MEF2C: variants seen among roughly 807,000 people sequenced by gnomAD.
MEF2C encodes myocyte enhancer factor 2C, also known as myocyte-specific enhancer factor 2C.
In MEF2C, 6 loss-of-function variants were observed where a neutral mutation model predicts 50.5. That is an observed-to-expected ratio of 0.12 (90% CI 0.07 to 0.23). MEF2C has a LOEUF of 0.23. Ranked by LOEUF, MEF2C falls within the 10% of genes least tolerant of loss-of-function variation. The pLI, the probability that MEF2C is intolerant of heterozygous loss-of-function variation, is 1.00. For synonymous variants in MEF2C, 183 were observed against 228.0 expected, an observed-to-expected ratio of 0.80 and a Z score of 1.78; for missense variants, 276 against 605.0, an observed-to-expected ratio of 0.46 and a Z score of 5.70.
chr5:88,816,139 A>G (rs1805231993), intron 2 of MEF2C, among the ~76,000 whole-genome samples: 2 of 152,094 alleles, frequency 1.3e-5, no homozygotes, highest in South Asian at 4.1e-4. Context: ...AGAGTGACAG[A>G]ATTCTAGAAG....
intron 6 of MEF2C, chr5:88,748,794 G>A: frequency 2.0e-6 from 2 of 985,384 alleles, no homozygotes; most frequent in Non-Finnish European, 2.4e-6. Flanking sequence ...TCCAAGGATG[G>A]TATCCAGGAT....
intron 1 of MEF2C, among the ~76,000 whole-genome samples, chr5:88,871,111 A>C (rs1001766261): frequency 6.6e-6 from 1 of 152,096 alleles, no homozygotes; most frequent in East Asian, 1.9e-4. Context: ...CTCTGATTAC[A>C]ATGAAAATTT....
intron 1 of MEF2C, among the ~76,000 whole-genome samples, chr5:88,854,379 G>A (rs918851467): frequency 2.6e-5 from 4 of 152,068 alleles, no homozygotes; most frequent in Non-Finnish European, 5.9e-5. Context: ...CTTAACCTCT[G>A]CACACCAAAG....
At chr5:88,765,697 C>T (rs1399509514) in intron 3 of MEF2C, among the ~76,000 whole-genome samples, 1 of 152,178 alleles carries the variant, frequency 6.6e-6, no homozygotes, top group Non-Finnish European at 1.5e-5. Context: ...CTTCAATTGT[C>T]ATTCTTTTAC....
chr5:88,876,494 C>G (rs1356655048), intron 1 of MEF2C, among the ~76,000 whole-genome samples: 1 of 151,978 alleles, frequency 6.6e-6, no homozygotes, highest in Non-Finnish European at 1.5e-5. Context: ...GTTGTACCAC[C>G]TTATTCAGGG....
chr5:88,772,622 G>T, intron 3 of MEF2C: 1 of 572,116 alleles, frequency 1.7e-6, no homozygotes, highest in Non-Finnish European at 2.2e-6. Flanking sequence ...ATTTTTCAAG[G>T]ACCAATTCTG....
At position 88,722,666 on chromosome 5, in the gene MEF2C, G is replaced by C. The variant is rs201684050; in HGVS notation, c.1360C>G (p.Pro454Ala). The C allele has an allele frequency of 2.5e-6, 4 of 1,613,868 alleles. No homozygotes were observed. The highest frequency in any genetic ancestry group is 3.4e-6 in the Non-Finnish European group (4 of 1,179,886). Reference protein sequence around the residue: ...HSPIGLTRPSPDERESPSVKR... With the variant: ...HSPIGLTRPSADERESPSVKR... ...ACTGAGGGACTTTCCCTTTCGTCCG[G>C]CGAAGGTCTGGTGAGTCCAATGGGG... Residue 454 changes from proline (P) to alanine (A), a missense_variant, in exon 11 of 11, where the codon CCG becomes GCG. Pro to Ala is a conservative substitution (Grantham distance 27). Coordinates refer to ENST00000504921, the MANE Select transcript of MEF2C (RefSeq NM_002397.5).
intron 4 of MEF2C, chr5:88,752,874 G>T: frequency 1.9e-6 from 1 of 534,740 alleles, no homozygotes. Flanking sequence ...GAACATAATT[G>T]TAGCTACTTT....
chr5:88,820,787 G>A lies in MEF2C; in HGVS notation c.54+2948C>T, dbSNP rs149974518. 2.7e-3 allele frequency among the ~76,000 whole-genome samples: 404 copies of A among 151,978 alleles called. 1 individual carries two copies. Among genetic ancestry groups the A allele is most frequent in the African/African-American group, 8.8e-3 (366 of 41,490 alleles). ...TCTACACAGTATGATATGCTGTTTCGGATTTGCTGGTTTTGTTTATTAGAA... is the reference window on the plus strand; with the variant it reads ...TCTACACAGTATGATATGCTGTTTCAGATTTGCTGGTTTTGTTTATTAGAA... On this transcript the variant is annotated intron_variant, in intron 2 of 10. Coordinates refer to ENST00000504921, the MANE Select transcript of MEF2C (RefSeq NM_002397.5).
chr5:88,787,945 A>G (rs1380581881), intron 3 of MEF2C, among the ~76,000 whole-genome samples: 1 of 152,166 alleles, frequency 6.6e-6, no homozygotes, highest in Non-Finnish European at 1.5e-5. Context: ...TTTCTCCACA[A>G]AATCACATAG....
At chr5:88,902,847 T>C in intron 1 of MEF2C, among the ~76,000 whole-genome samples, 1 of 151,528 alleles carries the variant, frequency 6.6e-6, no homozygotes, top group Admixed American at 6.6e-5. Context: ...TTCATCAATG[T>C]ATACTGTTGT....
chr5:88,790,324 T>C (rs1406509155), intron 3 of MEF2C, among the ~76,000 whole-genome samples: 1 of 152,214 alleles, frequency 6.6e-6, no homozygotes, highest in Non-Finnish European at 1.5e-5. Context: ...AAATACATGT[T>C]TGGAAAAGGA....
chr5:88,798,411 T>C (rs1330563426), intron 3 of MEF2C, among the ~76,000 whole-genome samples: 2 of 152,032 alleles, frequency 1.3e-5, no homozygotes, highest in Non-Finnish European at 2.9e-5. Flanking sequence ...CTTATATCCT[T>C]TCTTCCGCTT....
At chr5:88,744,912 G>C (rs1019724707) in intron 6 of MEF2C, among the ~76,000 whole-genome samples, 1 of 152,202 alleles carries the variant, frequency 6.6e-6, no homozygotes, top group Non-Finnish European at 1.5e-5. Context: ...AAGAATATTA[G>C]AGGAGTTAAT....
At chr5:88,768,846 A>G (rs1781136220) in intron 3 of MEF2C, among the ~76,000 whole-genome samples, 1 of 152,168 alleles carries the variant, frequency 6.6e-6, no homozygotes, top group South Asian at 2.1e-4. Flanking sequence ...TTTGAAATGT[A>G]CAGTTTTTAA....
At chr5:88,820,720 A>G (rs895668202) in intron 2 of MEF2C, among the ~76,000 whole-genome samples, 3 of 151,998 alleles carry the variant, frequency 2.0e-5, no homozygotes, top group African/African-American at 7.2e-5. Context: ...TCTTTGCAAC[A>G]TGTGAATACA....
intron 2 of MEF2C, among the ~76,000 whole-genome samples, chr5:88,821,857 G>C (rs967455127): frequency 3.3e-5 from 5 of 151,752 alleles, no homozygotes; most frequent in Admixed American, 1.3e-4. Context: ...GTAGTACATA[G>C]GGTGACTACA....
At chr5:88,749,648 A>G (rs1771665113) in intron 5 of MEF2C, among the ~76,000 whole-genome samples, 1 of 152,248 alleles carries the variant, frequency 6.6e-6, no homozygotes. Context: ...ATGCTTATTC[A>G]TTGCTAACTT....
At chr5:88,824,362 C>T in intron 1 of MEF2C, 5 of 985,030 alleles carry the variant, frequency 5.1e-6, no homozygotes, top group Non-Finnish European at 6.0e-6. Context: ...AAACAATCTC[C>T]TGTTTTGACA....
Sources: allele counts gnomAD v4.1 joint callset (sites outside exome capture counted in the v4.1 genomes callset), GRCh38; gene constraint gnomAD v4.1.1; transcripts MANE v1.5; gene names NCBI Gene and HGNC (gene_info 2026-07-23, HGNC 2026-07-21).